The following TUB variants were observed in gnomAD, a reference collection of about 807,000 sequenced individuals.
The protein encoded by TUB is tubby protein homolog.
TUB carries 33 observed loss-of-function variants against 59.7 expected under a neutral mutation model. The ratio of observed to expected loss-of-function variants is 0.55; its 90% confidence interval spans 0.42 to 0.74. The LOEUF is 0.74. Among genes scored for constraint, TUB ranks in the 30% least tolerant of loss-of-function variants. The probability of loss-of-function intolerance (pLI) is 0.00; values close to 1 mark genes in which losing one functional copy is unlikely to be tolerated. For missense variants in TUB, 659 were observed against 672.0 expected (o/e 0.98, Z 0.21); for synonymous variants, 293 against 256.4 (o/e 1.14, Z -1.36).
chr11:8,048,436 C>A (rs989439230), intron 2 of TUB, among the ~76,000 whole-genome samples: 3 of 152,086 alleles, frequency 2.0e-5, no homozygotes, highest in Non-Finnish European at 2.9e-5. Flanking sequence ...AGGTCTTGTT[C>A]TGTCACTCAG....
intron 2 of TUB, among the ~76,000 whole-genome samples, chr11:8,049,116 G>A (rs1417756577): frequency 6.6e-6 from 1 of 152,162 alleles, no homozygotes; most frequent in Non-Finnish European, 1.5e-5. Flanking sequence ...CTCTTCTGTA[G>A]TCGGCCCAAA....
intron 8 of TUB, among the ~76,000 whole-genome samples, chr11:8,098,406 C>T (rs1159855224): frequency 6.6e-6 from 1 of 152,170 alleles, no homozygotes; most frequent in African/African-American, 2.4e-5. Flanking sequence ...ATCCTCTCTC[C>T]ACGGGTGCTA....
chr11:8,091,118 C>T (rs1200262095), intron 3 of TUB, among the ~76,000 whole-genome samples: 2 of 152,200 alleles, frequency 1.3e-5, no homozygotes, highest in African/African-American at 4.8e-5. Context: ...CCAGATACAT[C>T]GAACTACTGG....
At chr11:8,093,430 A>G (rs74390539) in intron 3 of TUB, among the ~76,000 whole-genome samples, 5,295 of 152,222 alleles carry the variant, frequency 0.035, 312 homozygotes, top group African/African-American at 0.12. Flanking sequence ...GCTTAAGAGC[A>G]ATCAGAAACC....
At chr11:8,081,651 A>C in intron 1 of TUB, 103 bp downstream of exon 1, 1 of 1,267,904 alleles carries the variant, frequency 7.9e-7, no homozygotes, top group Non-Finnish European at 1.0e-6. Context: ...CTCCCCACCT[A>C]TCCCAGCACT....
At chr11:8,085,985 T>C (rs1198892715) in intron 1 of TUB, among the ~76,000 whole-genome samples, 6 of 151,636 alleles carry the variant, frequency 4.0e-5, no homozygotes, top group Non-Finnish European at 8.8e-5. Context: ...TCGTTGGTGC[T>C]GGACTGAGCA....
Position 8,052,006 on chromosome 11 carries a change from CTGTACTGCAT to C in TUB, c.203+12317_203+12326del, listed in dbSNP as rs1942941711. ...TTCCTCTATATACATGGTACTATTT[CTGTACTGCAT>C]TGGTCCATTGGTCATTCTCACGTCG... On this transcript the variant is annotated intron_variant, in intron 2 of 12. Transcript: ENST00000305253. 5.3e-5 allele frequency among the ~76,000 whole-genome samples: 8 copies of C among 152,308 alleles called. No individual in the cohort carries two copies. In the South Asian group the frequency reaches 1.7e-3, roughly 32 times the overall value.
chr11:8,036,550 C>T (rs1009594166), upstream of TUB, among the ~76,000 whole-genome samples: 1 of 152,186 alleles, frequency 6.6e-6, no homozygotes, highest in South Asian at 2.1e-4. Flanking sequence ...AGAACTAGGA[C>T]TGAAGGGAGG....
At chr11:8,046,806 T>C (rs2133745405) in intron 2 of TUB, among the ~76,000 whole-genome samples, 1 of 152,324 alleles carries the variant, frequency 6.6e-6, no homozygotes, top group South Asian at 2.1e-4. Flanking sequence ...CAGTGGATTC[T>C]CTGAAGCAGG....
intron 1 of TUB, among the ~76,000 whole-genome samples, chr11:8,024,238 C>T (rs1281427436): frequency 1.3e-5 from 2 of 152,196 alleles, no homozygotes; most frequent in South Asian, 2.1e-4. Context: ...TCTAGCCCGG[C>T]GTGGATCAAT....
intron 1 of TUB, among the ~76,000 whole-genome samples, chr11:8,086,140 CCT>C (rs1554929370): frequency 1.3e-5 from 2 of 152,302 alleles, no homozygotes; most frequent in Non-Finnish European, 2.9e-5. Context: ...CCATCAGCGC[CCT>C]GTCTCTTGTC....
intron 2 of TUB, among the ~76,000 whole-genome samples, chr11:8,072,367 C>T (rs929962467): frequency 2.0e-5 from 3 of 152,190 alleles, no homozygotes; most frequent in African/African-American, 7.2e-5. Flanking sequence ...GGTGGGACCA[C>T]CTGTTCTCAC....
chr11:8,038,795 G>C, exon 1 of TUB: 1 of 1,552,708 alleles, frequency 6.4e-7, no homozygotes, highest in Non-Finnish European at 8.7e-7. Context: ...CGAATACAGG[G>C]AATTTCAACA....
intron 4 of TUB, 80 bp from the exon 5 acceptor site, chr11:8,095,418 A>G (rs1362377816): frequency 3.4e-6 from 5 of 1,461,520 alleles, no homozygotes; most frequent in Non-Finnish European, 4.6e-6. Context: ...CTCTTCCCTC[A>G]TCCCCTTCAT....
chr11:8,098,138 A>C (rs1373860301), intron 8 of TUB, among the ~76,000 whole-genome samples: 2 of 151,918 alleles, frequency 1.3e-5, no homozygotes, highest in East Asian at 3.9e-4. Flanking sequence ...CCTTGGCTCC[A>C]TGGTCAATGC....
At chr11:8,024,078 A>G (rs1384185229) in intron 1 of TUB, among the ~76,000 whole-genome samples, 1 of 152,162 alleles carries the variant, frequency 6.6e-6, no homozygotes. Flanking sequence ...TTCCTTATAC[A>G]TTACTCCTGC....
At chr11:8,027,060 A>G (rs1942509378) in intron 1 of TUB, among the ~76,000 whole-genome samples, 1 of 152,056 alleles carries the variant, frequency 6.6e-6, no homozygotes, top group African/African-American at 2.4e-5. Flanking sequence ...TCAGTTTCTG[A>G]TTTTTCATTC....
intron 2 of TUB, among the ~76,000 whole-genome samples, chr11:8,042,139 C>T (rs577889215): frequency 2.0e-5 from 3 of 151,466 alleles, no homozygotes; most frequent in South Asian, 2.1e-4. Context: ...CCTTTTCCTA[C>T]ACCCCCCAGC....
chr11:8,055,983 A>G (rs1943013849), intron 2 of TUB, among the ~76,000 whole-genome samples: 1 of 152,182 alleles, frequency 6.6e-6, no homozygotes, highest in Admixed American at 6.5e-5. Flanking sequence ...CCGCTCTCAC[A>G]GGGCATGGGA....
Sources: gnomAD v4.1 joint callset for allele counts (sites outside exome capture counted in the v4.1 genomes callset) on GRCh38, gnomAD v4.1.1 for gene constraint, MANE v1.5 for transcripts, NCBI Gene and HGNC (gene_info 2026-07-23, HGNC 2026-07-21) for gene names.